CPA6: variants seen among roughly 807,000 people sequenced by gnomAD.
CPA6 encodes the protein carboxypeptidase B.
A neutral mutation model predicts 63.3 loss-of-function variants in CPA6; 58 were observed. That is an observed-to-expected ratio of 0.92 (90% confidence interval 0.74 to 1.14). The LOEUF (loss-of-function observed/expected upper bound fraction) is 1.14, where lower values mean the gene tolerates loss of function less well. Among genes scored for constraint, CPA6 ranks in the 50% most tolerant of loss-of-function variants. The probability of loss-of-function intolerance (pLI) is 0.00; values close to 1 mark genes in which losing one functional copy is unlikely to be tolerated. For missense variants in CPA6, 565 were observed against 526.6 expected (o/e 1.07, Z -0.71); for synonymous variants, 185 against 179.0 (o/e 1.03, Z -0.27).
intron 6 of CPA6, among the ~76,000 whole-genome samples, chr8:67,489,480 TG>T (rs1204109016): frequency 6.7e-6 from 1 of 149,438 alleles, no homozygotes; most frequent in Non-Finnish European, 1.5e-5. Context: ...TACGTATAAA[TG>T]TTTTTTTCTA....
At chr8:67,626,310 G>A (rs1815192689) in intron 1 of CPA6, among the ~76,000 whole-genome samples, 2 of 152,142 alleles carry the variant, frequency 1.3e-5, no homozygotes, top group South Asian at 4.1e-4. Flanking sequence ...GCTGGGCAAT[G>A]ATTTTTTAGG....
chr8:67,552,926 AG>A (rs1340376319), intron 2 of CPA6, among the ~76,000 whole-genome samples: 1 of 152,176 alleles, frequency 6.6e-6, no homozygotes, highest in African/African-American at 2.4e-5. Flanking sequence ...ATTAGTTAAA[AG>A]GATGACAATA....
intron 2 of CPA6, among the ~76,000 whole-genome samples, chr8:67,614,590 A>G (rs1229331416): frequency 6.6e-6 from 1 of 152,212 alleles, no homozygotes; most frequent in African/African-American, 2.4e-5. Context: ...CCTTTAAGTC[A>G]TTAACGTATC....
intron 2 of CPA6, among the ~76,000 whole-genome samples, chr8:67,591,238 G>A (rs543607146): frequency 6.6e-6 from 1 of 152,236 alleles, no homozygotes; most frequent in Admixed American, 6.5e-5. Context: ...GTGTTCCATT[G>A]ATCTATATCT....
intron 2 of CPA6, among the ~76,000 whole-genome samples, chr8:67,581,381 A>T (rs1813768321): frequency 6.6e-6 from 1 of 152,222 alleles, no homozygotes; most frequent in Admixed American, 6.5e-5. Flanking sequence ...TAAAGGCACT[A>T]TTACAATAGT....
chr8:67,627,480 T>C (rs1330713488), intron 1 of CPA6, among the ~76,000 whole-genome samples: 3 of 152,176 alleles, frequency 2.0e-5, no homozygotes, highest in Non-Finnish European at 4.4e-5. Context: ...GGTGGTAACA[T>C]CAACTTAAGA....
At chr8:67,661,876 G>A (rs147922493) in intron 1 of CPA6, among the ~76,000 whole-genome samples, 12 of 152,258 alleles carry the variant, frequency 7.9e-5, no homozygotes, top group East Asian at 1.9e-4. Context: ...GTCTTTCTGC[G>A]TCTAGTTTAC....
chr8:67,633,422 C>T lies in CPA6; in HGVS notation c.117-9171G>A, dbSNP rs369393515. ...CTGGGCCGGGCGCGTTGGCTCACGC[C>T]TGTAATCCCAGCACTTTGGGAGGCC... On this transcript the variant is annotated intron_variant, in intron 1 of 10. Coordinates refer to ENST00000297770, the MANE Select transcript of CPA6 (RefSeq NM_020361.5). 6.2e-3 allele frequency among the ~76,000 whole-genome samples: 947 copies of T among 152,332 alleles called. 7 individuals carry two copies. Among genetic ancestry groups the T allele is most frequent in the Non-Finnish European group, 0.011 (715 of 68,036 alleles).
intron 8 of CPA6, among the ~76,000 whole-genome samples, chr8:67,442,479 T>G (rs1768912532): frequency 1.3e-5 from 2 of 152,122 alleles, no homozygotes; most frequent in Non-Finnish European, 2.9e-5. Flanking sequence ...TAATGTCCCC[T>G]GGAAGAGACA....
chr8:67,550,658 G>A (rs984309084), intron 2 of CPA6, among the ~76,000 whole-genome samples: 14 of 152,142 alleles, frequency 9.2e-5, no homozygotes, highest in African/African-American at 3.1e-4. Context: ...CCGACCAGCT[G>A]GGTATAAGCA....
At chr8:67,546,347 G>A (rs1429940104) in intron 2 of CPA6, among the ~76,000 whole-genome samples, 1 of 152,222 alleles carries the variant, frequency 6.6e-6, no homozygotes, top group Non-Finnish European at 1.5e-5. Context: ...GTCTGGCCGA[G>A]TGACTAGGAT....
At chr8:67,459,662 T>C (rs1810756780) in intron 8 of CPA6, among the ~76,000 whole-genome samples, 1 of 152,192 alleles carries the variant, frequency 6.6e-6, no homozygotes, top group African/African-American at 2.4e-5. Context: ...GCAATGAAGA[T>C]ACTCTGTAAG....
intron 2 of CPA6, among the ~76,000 whole-genome samples, chr8:67,531,737 C>T (rs1812481703): frequency 6.6e-6 from 1 of 152,022 alleles, no homozygotes; most frequent in East Asian, 1.9e-4. Flanking sequence ...TCAATTACAT[C>T]TCAGCAACTG....
chr8:67,469,726 G>A (rs1811012860), intron 8 of CPA6, among the ~76,000 whole-genome samples: 4 of 152,224 alleles, frequency 2.6e-5, no homozygotes, highest in Admixed American at 1.3e-4. Flanking sequence ...CAGCCTGCTG[G>A]CCTACCCTGT....
intron 1 of CPA6, among the ~76,000 whole-genome samples, chr8:67,642,151 G>C (rs1470737458): frequency 6.6e-6 from 1 of 152,054 alleles, no homozygotes; most frequent in African/African-American, 2.4e-5. Context: ...AACACCAACT[G>C]TACTAAAAAT....
intron 1 of CPA6, among the ~76,000 whole-genome samples, chr8:67,709,073 T>C (rs1817198719): frequency 6.6e-6 from 1 of 152,126 alleles, no homozygotes; most frequent in Non-Finnish European, 1.5e-5. Context: ...GGCAAAATGG[T>C]AGCATTTAAC....
At position 67,422,356 on chromosome 8, in the gene CPA6, C is replaced by G; in HGVS notation, c.*148G>C. The G allele has an allele frequency of 1.8e-6, 1 of 569,104 alleles. No homozygotes were observed. The highest frequency in any genetic ancestry group is 4.2e-5 in the South Asian group (1 of 23,914). The allele number at this position is 569,104 out of a possible 1,614,324, so 35.3% of individuals were successfully genotyped here. On this transcript the variant is annotated 3_prime_UTR_variant, in exon 11 of 11. Transcript: ENST00000297770. ...CCTGTTTTTTACTGTTTTCTATTGC[C>G]ACAAAGTCAAATTGCGTGGGGTCTT... is the stretch of plus-strand genomic sequence containing the variant.
At chr8:67,637,955 G>T (rs1587659180) in intron 1 of CPA6, among the ~76,000 whole-genome samples, 2 of 150,512 alleles carry the variant, frequency 1.3e-5, no homozygotes, top group Middle Eastern at 6.8e-3. Flanking sequence ...CCTTCCAGAA[G>T]AAAGCCCTTA....
intron 8 of CPA6, among the ~76,000 whole-genome samples, chr8:67,459,223 C>T (rs1810745228): frequency 6.6e-6 from 1 of 152,008 alleles, no homozygotes; most frequent in Non-Finnish European, 1.5e-5. Flanking sequence ...TGGGGTTTTG[C>T]CACATTGTTC....
Sources: allele counts gnomAD v4.1 joint callset (sites outside exome capture counted in the v4.1 genomes callset), GRCh38; gene constraint gnomAD v4.1.1; transcripts MANE v1.5; gene names NCBI Gene and HGNC (gene_info 2026-07-23, HGNC 2026-07-21).